Variants in GALNTL6 observed in about 807,000 individuals in gnomAD.
GALNTL6 encodes the protein polypeptide N-acetylgalactosaminyltransferase-like 6.
Under a neutral mutation model 73.7 loss-of-function variants are expected in GALNTL6, and 46 were observed. The observed-to-expected ratio is 0.62, with a 90% confidence interval of 0.49 to 0.80. The LOEUF is 0.80. Ranked by LOEUF, GALNTL6 falls within the 30% of genes least tolerant of loss-of-function variation. GALNTL6 has a pLI of 0.00. For synonymous variants in GALNTL6, 259 were observed against 263.7 expected (o/e 0.98, Z 0.17); for missense variants, 604 against 755.0 (o/e 0.80, Z 2.34).
At chr4:172,279,528 CT>C (rs1338816263) in intron 3 of GALNTL6, among the ~76,000 whole-genome samples, 1 of 152,074 alleles carries the variant, frequency 6.6e-6, no homozygotes, top group East Asian at 1.9e-4. Context: ...TCTCACACCC[CT>C]TAGGATGTTT....
At chr4:171,933,380 T>G (rs332981) in intron 2 of GALNTL6, among the ~76,000 whole-genome samples, 82,085 of 152,000 alleles carry the variant, frequency 0.54, 22,577 homozygotes, top group Admixed American at 0.64. Context: ...AGATTTTAAT[T>G]AAATGTTTTG....
chr4:172,928,072 G>C (rs555993059), intron 8 of GALNTL6, among the ~76,000 whole-genome samples: 1 of 152,292 alleles, frequency 6.6e-6, no homozygotes, highest in Non-Finnish European at 1.5e-5. Flanking sequence ...TATAGAACAA[G>C]AGCCAGCAAA....
chr4:172,650,080 C>T (rs1443459017), intron 5 of GALNTL6, among the ~76,000 whole-genome samples: 1 of 152,100 alleles, frequency 6.6e-6, no homozygotes, highest in Non-Finnish European at 1.5e-5. Context: ...CTCAAAGTTG[C>T]CTGCAAACAA....
chr4:173,035,806 T>A (rs909716848), intron 12 of GALNTL6, among the ~76,000 whole-genome samples: 1 of 152,200 alleles, frequency 6.6e-6, no homozygotes, highest in Non-Finnish European at 1.5e-5. Context: ...GGCTAACTTT[T>A]GAAAATTCTA....
intron 7 of GALNTL6, among the ~76,000 whole-genome samples, chr4:172,859,395 A>C (rs1020158850): frequency 6.6e-6 from 1 of 152,194 alleles, no homozygotes; most frequent in African/African-American, 2.4e-5. Context: ...TGGTTATACC[A>C]AGGCAGTACA....
rs975890841 is a variant in GALNTL6 at position 172,770,532 on chromosome 4, A to G, written c.554-38829A>G. 4.6e-5 allele frequency among the ~76,000 whole-genome samples: 7 copies of G among 152,194 alleles called. No individual in the cohort carries two copies. In the South Asian group the frequency reaches 1.4e-3, roughly 31 times the overall value. On this transcript the variant is annotated intron_variant, in intron 5 of 12. Transcript: ENST00000506823. ...TGCGATTTTAAATCCTACCAAGAAA[A>G]GTTAAGGGTACACAAACAAATAATT...
rs764697024 is a variant in GALNTL6, at chr4:171,987,099, G to T, written c.138+172381G>T. ...AATGAGACTGGGGCCTAATAAAAAG[G>T]AGCATCTATACAGGAGCTCAAATGG... is the stretch of plus-strand genomic sequence containing the variant. On this transcript the variant is annotated intron_variant, in intron 2 of 12. Transcript: ENST00000506823. 3.1e-4 allele frequency among the ~76,000 whole-genome samples: 47 copies of T among 152,182 alleles called. 1 individual carries two copies. The highest frequency in any genetic ancestry group is 4.7e-4 in the Non-Finnish European group (32 of 68,040).
intron 2 of GALNTL6, among the ~76,000 whole-genome samples, chr4:172,104,555 TAATG>T (rs1367006594): frequency 6.6e-6 from 1 of 152,124 alleles, no homozygotes; most frequent in Non-Finnish European, 1.5e-5. Context: ...TTATTTGAAA[TAATG>T]AAAAAGATTT....
chr4:172,009,099 G>A (rs1295280045), intron 2 of GALNTL6, among the ~76,000 whole-genome samples: 1 of 151,916 alleles, frequency 6.6e-6, no homozygotes, highest in Non-Finnish European at 1.5e-5. Flanking sequence ...TTTATTTAAA[G>A]GTCCTATTAG....
At chr4:172,424,545 G>T (rs1304223137) in intron 5 of GALNTL6, among the ~76,000 whole-genome samples, 1 of 152,162 alleles carries the variant, frequency 6.6e-6, no homozygotes, top group South Asian at 2.1e-4. Context: ...TAATAGAAAT[G>T]TGTTTCTAAC....
intron 3 of GALNTL6, among the ~76,000 whole-genome samples, chr4:172,237,450 G>A (rs6857671): frequency 0.014 from 2,189 of 152,176 alleles, 57 homozygotes; most frequent in African/African-American, 0.05. Context: ...CTTTTTGCTT[G>A]TTAAAGTGTG....
chr4:172,667,163 A>G (rs1183958938), intron 5 of GALNTL6: 2 of 152,216 alleles, frequency 1.3e-5, no homozygotes, highest in African/African-American at 4.8e-5. Context: ...CATGTGGGGT[A>G]GTGGAGCGAC....
At chr4:173,026,088 T>A (rs1171003787) in intron 12 of GALNTL6, among the ~76,000 whole-genome samples, 3 of 152,218 alleles carry the variant, frequency 2.0e-5, no homozygotes. Context: ...TAAGTAAACA[T>A]TTTATTAGAT....
intron 7 of GALNTL6, among the ~76,000 whole-genome samples, chr4:172,824,166 C>T (rs1742100495): frequency 6.6e-6 from 1 of 152,098 alleles, no homozygotes. Flanking sequence ...CTAAGCCTTA[C>T]ATGTGGTGTG....
rs534309519 is a variant in GALNTL6 at position 171,891,135 on chromosome 4, C to T, written c.138+76417C>T. Among the ~76,000 whole-genome samples, 3 of 152,312 alleles carry T rather than the reference C, an allele frequency of 2.0e-5. No homozygotes were observed. The East Asian group carries it at 5.8e-4, about 29-fold the overall frequency. On this transcript the variant is annotated intron_variant, in intron 2 of 12. Transcript: ENST00000506823. ...TACTCCTACCCTGACGTTATAGGAA[C>T]ATCATGGTCAAAGATTCATGATTCC...
chr4:172,342,426 C>G (rs2111203757), intron 4 of GALNTL6, among the ~76,000 whole-genome samples: 1 of 152,258 alleles, frequency 6.6e-6, no homozygotes, highest in African/African-American at 2.4e-5. Flanking sequence ...CTATAAACTT[C>G]TTAGTTCAGG....
At chr4:171,883,927 G>T (rs147152139) in intron 2 of GALNTL6, among the ~76,000 whole-genome samples, 12 of 151,994 alleles carry the variant, frequency 7.9e-5, no homozygotes, top group Admixed American at 2.0e-4. Context: ...GATTACAGGC[G>T]TGAGCCACCG....
At chr4:171,958,877 T>A (rs1739133029) in intron 2 of GALNTL6, among the ~76,000 whole-genome samples, 1 of 152,154 alleles carries the variant, frequency 6.6e-6, no homozygotes, top group Non-Finnish European at 1.5e-5. Context: ...TCTTTAACAT[T>A]TTAATAAATG....
chr4:171,852,941 G>C (rs1011165400), intron 2 of GALNTL6, among the ~76,000 whole-genome samples: 3 of 151,618 alleles, frequency 2.0e-5, no homozygotes, highest in Non-Finnish European at 4.4e-5. Flanking sequence ...CCGCCTCCTG[G>C]GTTCACGCCG....
Sources: gnomAD v4.1 joint callset for allele counts (sites outside exome capture counted in the v4.1 genomes callset) on GRCh38, gnomAD v4.1.1 for gene constraint, MANE v1.5 for transcripts, NCBI Gene and HGNC (gene_info 2026-07-23, HGNC 2026-07-21) for gene names.